PALB2: variants seen among roughly 807,000 people sequenced by gnomAD.
PALB2 encodes the protein mutant partner and localizer of BRCA2.
A neutral mutation model predicts 107.4 loss-of-function variants in PALB2; 82 were observed. The ratio of observed to expected loss-of-function variants is 0.76; its 90% CI spans 0.64 to 0.92. PALB2 has a LOEUF of 0.92. Among genes scored for constraint, PALB2 ranks in the 40% least tolerant of loss-of-function variants. The pLI is 0.00. For synonymous variants in PALB2, 489 were observed against 496.8 expected (o/e 0.98, Z 0.21); for missense variants, 1,374 against 1,379.9 (o/e 1.00, Z 0.07).
At chr16:23,634,628 T>C (rs993117132) in intron 4 of PALB2, among the ~76,000 whole-genome samples, 2 of 151,492 alleles carry the variant, frequency 1.3e-5, no homozygotes, top group Admixed American at 6.6e-5. Context: ...AGTGAGCCCC[T>C]GTCTCTTTAT....
chr16:23,613,876 A>AGTT (rs1966630600), intron 11 of PALB2, 128 bp downstream of exon 11: 1 of 717,268 alleles, frequency 1.4e-6, no homozygotes, highest in African/African-American at 1.8e-5. Context: ...GAAAGGACAA[A>AGTT]CATTGCTATC....
At chr16:23,630,582 T>A in intron 4 of PALB2, 113 bp from the exon 5 acceptor site, 1 of 873,510 alleles carries the variant, frequency 1.1e-6, no homozygotes. Context: ...AACATTTTAA[T>A]GAACCTTAAT....
chr16:23,637,108 C>T (rs958995095), intron 3 of PALB2, among the ~76,000 whole-genome samples: 7 of 151,776 alleles, frequency 4.6e-5, no homozygotes, highest in African/African-American at 1.5e-4. Flanking sequence ...ATTAGCTGGG[C>T]GTGGCGGTGT....
chr16:23,637,743 C>T (rs1026939249), intron 3 of PALB2, 107 bp downstream of exon 3: 62 of 779,456 alleles, frequency 8.0e-5, no homozygotes, highest in South Asian at 7.3e-4. Flanking sequence ...AAAATTAAAG[C>T]GTCTATTGCT....
At chr16:23,637,056 T>C (rs571019639) in intron 3 of PALB2, among the ~76,000 whole-genome samples, 5 of 151,600 alleles carry the variant, frequency 3.3e-5, no homozygotes, top group Non-Finnish European at 5.9e-5. Context: ...AAGACCATCC[T>C]GGCCAACATG....
At chr16:23,621,295 C>G in intron 10 of PALB2, 67 bp downstream of exon 10, 1 of 1,022,692 alleles carries the variant, frequency 9.8e-7, no homozygotes, top group Non-Finnish European at 1.6e-6. Context: ...CACAACAACC[C>G]TGTAAAATTA....
At chr16:23,614,707 G>A (rs1966650406) in intron 10 of PALB2, among the ~76,000 whole-genome samples, 1 of 137,348 alleles carries the variant, frequency 7.3e-6, no homozygotes, top group Admixed American at 7.7e-5. Flanking sequence ...CTGGAGTGCA[G>A]TGGCGGGATC....
In PALB2 at chr16:23,607,857, C is replaced by G. The variant is rs2142270979; in HGVS notation, c.3350+7G>C. The stretch of plus-strand genomic sequence containing the variant: ...CCACCCATAGAGTAGCAGTTATGCA[C>G]ACTTGCCTGCCAGCCTGCCCTGGAG... On this transcript the variant is annotated splice_region_variant and intron_variant, in intron 12 of 12. Transcript: ENST00000261584. 6.2e-7 allele frequency: 1 copy of G among 1,613,724 alleles called. No homozygotes were observed.
intron 10 of PALB2, among the ~76,000 whole-genome samples, chr16:23,615,155 G>A (rs1229989275): frequency 6.8e-6 from 1 of 148,038 alleles, no homozygotes; most frequent in South Asian, 2.1e-4. Flanking sequence ...CACCAGGTTG[G>A]CCAGGCTGGT....
Position 23,638,011 on chromosome 16 carries a change from G to C in PALB2, c.108+59C>G, listed in dbSNP as rs515726061. 2 of 1,603,882 alleles carry C rather than the reference G, an allele frequency of 1.2e-6. No individual in the cohort carries two copies. The highest frequency in any genetic ancestry group is 1.3e-5 in the African/African-American group (1 of 74,794). On this transcript the variant is annotated intron_variant, in intron 2 of 12. Coordinates refer to ENST00000261584, the MANE Select transcript of PALB2 (RefSeq NM_024675.4). ...TTTCTTTAAAGTTTTATAGAGTCAA[G>C]AACTGTTTTTAAATTGTTTGTACTA...
chr16:23,613,500 C>G (rs542034575), intron 11 of PALB2, among the ~76,000 whole-genome samples: 6 of 151,932 alleles, frequency 3.9e-5, no homozygotes, highest in Non-Finnish European at 8.8e-5. Context: ...AAAAATTAGC[C>G]GGGTGTGGTG....
intron 11 of PALB2, 113 bp from the exon 12 acceptor site, chr16:23,608,125 T>C (rs1175227524): frequency 7.7e-6 from 9 of 1,164,636 alleles, no homozygotes; most frequent in Non-Finnish European, 1.1e-5. Flanking sequence ...CGATAGGCTC[T>C]GAAGTATCCA....
intron 9 of PALB2, among the ~76,000 whole-genome samples, chr16:23,621,775 C>CTAA (rs1966778204): frequency 6.6e-6 from 1 of 152,190 alleles, no homozygotes; most frequent in African/African-American, 2.4e-5. Flanking sequence ...GCATCACCAT[C>CTAA]TAATGTCCAA....
In PALB2 at chr16:23,635,300, T is replaced by C. The variant is rs1966982055; in HGVS notation, c.1246A>G (p.Met416Val). 2 of 1,614,046 alleles carry C rather than the reference T, an allele frequency of 1.2e-6. No homozygotes were observed. Among genetic ancestry groups the C allele is most frequent in the Non-Finnish European group, 1.7e-6 (2 of 1,180,038 alleles). The change falls in exon 4 of 13, where the codon ATG becomes GTG. Residue 416 changes from methionine to valine, a missense_variant. Physicochemically the swap from Met to Val is conservative, Grantham distance 21. Coordinates refer to ENST00000261584, the MANE Select transcript of PALB2 (RefSeq NM_024675.4). Reference protein sequence around the residue: ...AEYYVRTTRSMSNCQRKVAVE... With the variant: ...AEYYVRTTRSVSNCQRKVAVE... ...GCTACTTTCCTCTGGCAATTGGACATGCTTCGTGTTGTTCTAACATAATAT... is the reference window on the plus strand; with the variant it reads ...GCTACTTTCCTCTGGCAATTGGACACGCTTCGTGTTGTTCTAACATAATAT...
chr16:23,618,553 A>G (rs1433387750), intron 10 of PALB2, among the ~76,000 whole-genome samples: 2 of 152,090 alleles, frequency 1.3e-5, no homozygotes, highest in African/African-American at 2.4e-5. Flanking sequence ...AGTTGAAGAA[A>G]GAGTATTTAC....
rs1966858159 is a variant in PALB2 at position 23,629,889 on chromosome 16, G to C, written c.2265C>G (p.Cys755Trp). 1 of 1,614,214 alleles carries C rather than the reference G, an allele frequency of 6.2e-7. No homozygotes were observed. The highest frequency in any genetic ancestry group is 8.5e-7 in the Non-Finnish European group (1 of 1,180,048). The change falls in exon 5 of 13, where the codon TGC (cysteine) becomes TGG (tryptophan). Residue 755 changes from cysteine (C) to tryptophan (W), a missense_variant. Cys to Trp is a radical substitution (Grantham distance 215). Coordinates refer to ENST00000261584, the MANE Select transcript of PALB2 (RefSeq NM_024675.4). ...KASTEVAGRT[C>W]CTPQLAHLKD... The stretch of plus-strand genomic sequence containing the variant: ...TCAAATGAGCAAGTTGGGGTGTGCA[G>C]CAAGTTCGTCCAGCAACTTCTGTAG...
At chr16:23,612,782 T>C (rs1282790101) in intron 11 of PALB2, among the ~76,000 whole-genome samples, 3 of 151,440 alleles carry the variant, frequency 2.0e-5, no homozygotes, top group Non-Finnish European at 2.9e-5. Flanking sequence ...AGACGGAGTC[T>C]CGCTCTGTCG....
At chr16:23,625,103 C>T (rs900949610) in intron 7 of PALB2, among the ~76,000 whole-genome samples, 1 of 152,006 alleles carries the variant, frequency 6.6e-6, no homozygotes, top group African/African-American at 2.4e-5. Flanking sequence ...GAAGCCGAGG[C>T]GAGTGGATCA....
At chr16:23,611,116 CT>C in intron 11 of PALB2, among the ~76,000 whole-genome samples, 1 of 146,888 alleles carries the variant, frequency 6.8e-6, no homozygotes, top group Non-Finnish European at 1.5e-5. Flanking sequence ...ATCTATCTAT[CT>C]ATCTATCAAT....
Sources: gnomAD v4.1 joint callset for allele counts (sites outside exome capture counted in the v4.1 genomes callset) on GRCh38, gnomAD v4.1.1 for gene constraint, MANE v1.5 for transcripts, NCBI Gene and HGNC (gene_info 2026-07-23, HGNC 2026-07-21) for gene names.